Variants in EPHA6 observed in about 807,000 individuals in gnomAD.
EPHA6 encodes ephrin type-A receptor 6.
A neutral mutation model predicts 112.0 loss-of-function variants in EPHA6; 50 were observed. The observed-to-expected ratio is 0.45, with a 90% CI of 0.36 to 0.56. EPHA6 has a LOEUF of 0.56. Ranked by LOEUF, EPHA6 falls within the 20% of genes least tolerant of loss-of-function variation. The pLI, the probability that EPHA6 is intolerant of heterozygous loss-of-function variation, is 0.00. For synonymous variants in EPHA6, 529 were observed against 490.7 expected, an observed-to-expected ratio of 1.08 and a Z score of -1.03; for missense variants, 1,280 against 1,417.4, an observed-to-expected ratio of 0.90 and a Z score of 1.56.
chr3:97,287,304 G>C lies in EPHA6; in HGVS notation c.1606+43017G>C, dbSNP rs138035070. 8.5e-5 allele frequency among the ~76,000 whole-genome samples: 13 copies of C among 152,098 alleles called. No individual in the cohort carries two copies. The East Asian group carries it at 2.5e-3, about 29-fold the overall frequency. On this transcript the variant is annotated intron_variant, in intron 5 of 17. Coordinates refer to ENST00000389672, the MANE Select transcript of EPHA6 (RefSeq NM_001080448.3). Reference sequence around the variant, plus strand: ...TCTTGTTCCAGTTCTTAGAGGAAAGGCTTAGCTTCTCTGAGTTCAGTTAGC... The same window carrying C: ...TCTTGTTCCAGTTCTTAGAGGAAAGCCTTAGCTTCTCTGAGTTCAGTTAGC...
intron 14 of EPHA6, among the ~76,000 whole-genome samples, chr3:97,687,895 G>A (rs1386363571): frequency 2.0e-5 from 3 of 152,164 alleles, no homozygotes; most frequent in East Asian, 3.9e-4. Flanking sequence ...TGCCTGTCTG[G>A]AGGTACAGGG....
chr3:96,814,738 G>A lies in EPHA6; in HGVS notation c.115G>A (p.Gly39Arg). 6.3e-7 allele frequency: 1 copy of A among 1,587,426 alleles called. No individual in the cohort carries two copies. The highest frequency in any genetic ancestry group is 8.6e-7 in the Non-Finnish European group (1 of 1,166,002). ...GCCTGGACCCTCGTGCCCTGTTCCC[G>A]GGACCTCGCGCAGGGGGCGCCCCGG... is the stretch of plus-strand genomic sequence containing the variant. ...GQPGPSCPVP[G>R]TSRRGRPGTP... is the part of the protein sequence containing the mutation. The change falls in exon 1 of 18, where the codon GGG (glycine) becomes AGG (arginine). Residue 39 changes from glycine to arginine, a missense_variant. Physicochemically the swap from Gly to Arg is moderately radical, Grantham distance 125. Around this residue, in one of 4 missense-constraint regions of EPHA6, gnomAD observed 220 missense variants for 171.5 expected, o/e 1.28. Transcript: ENST00000389672.
chr3:97,709,018 G>C (rs1222085444), intron 14 of EPHA6, among the ~76,000 whole-genome samples: 1 of 152,220 alleles, frequency 6.6e-6, no homozygotes, highest in Non-Finnish European at 1.5e-5. Context: ...ACCTCTACTA[G>C]TGCAATGTAG....
At chr3:97,024,205 T>G (rs1208251964) in intron 3 of EPHA6, among the ~76,000 whole-genome samples, 2 of 152,192 alleles carry the variant, frequency 1.3e-5, no homozygotes, top group African/African-American at 4.8e-5. Context: ...CCATATCTTT[T>G]TTTCAAATGG....
At chr3:97,431,718 CT>C (rs2089519883) in intron 6 of EPHA6, among the ~76,000 whole-genome samples, 1 of 152,014 alleles carries the variant, frequency 6.6e-6, no homozygotes. Flanking sequence ...ATTTTTCTTT[CT>C]CATGTTTAAC....
intron 3 of EPHA6, among the ~76,000 whole-genome samples, chr3:97,075,858 A>G: frequency 6.6e-6 from 1 of 152,114 alleles, no homozygotes; most frequent in Admixed American, 6.6e-5. Context: ...ATCTGTGATC[A>G]GTGATCTTTG....
chr3:96,848,066 T>TA (rs1442047086), intron 1 of EPHA6, among the ~76,000 whole-genome samples: 1 of 152,096 alleles, frequency 6.6e-6, no homozygotes, highest in Non-Finnish European at 1.5e-5. Context: ...CAAAATCATT[T>TA]AATGTTTGCA....
intron 3 of EPHA6, among the ~76,000 whole-genome samples, chr3:97,022,068 C>T (rs918937935): frequency 2.6e-5 from 4 of 152,214 alleles, no homozygotes; most frequent in African/African-American, 7.2e-5. Context: ...ATTGAGAAAA[C>T]ATTTGTTGAA....
intron 3 of EPHA6, among the ~76,000 whole-genome samples, chr3:97,086,187 A>C (rs1007173652): frequency 1.4e-4 from 21 of 151,486 alleles, no homozygotes; most frequent in Non-Finnish European, 2.8e-4. Flanking sequence ...AATATAAATT[A>C]ATATTAGTTT....
chr3:97,129,013 A>C (rs1263513917), intron 3 of EPHA6, among the ~76,000 whole-genome samples: 3 of 151,602 alleles, frequency 2.0e-5, no homozygotes, highest in African/African-American at 7.3e-5. Flanking sequence ...AGCTGGGACT[A>C]CAGGTGTGCA....
At chr3:97,603,085 A>G (rs1282546618) in intron 12 of EPHA6, among the ~76,000 whole-genome samples, 1 of 152,052 alleles carries the variant, frequency 6.6e-6, no homozygotes, top group Non-Finnish European at 1.5e-5. Flanking sequence ...CAAGAAAGAC[A>G]TTCTTAAAAA....
At chr3:97,296,591 G>A (rs2080883024) in intron 5 of EPHA6, among the ~76,000 whole-genome samples, 3 of 152,166 alleles carry the variant, frequency 2.0e-5, no homozygotes, top group Admixed American at 2.0e-4. Flanking sequence ...TGGCTCTCAG[G>A]CTCTGGGGAG....
intron 6 of EPHA6, among the ~76,000 whole-genome samples, chr3:97,409,951 A>G (rs940904397): frequency 6.6e-6 from 1 of 152,110 alleles, no homozygotes; most frequent in Non-Finnish European, 1.5e-5. Context: ...GATTATAGAA[A>G]AACTATCTTT....
chr3:97,275,571 A>G lies in EPHA6; in HGVS notation c.1606+31284A>G, dbSNP rs141711031. ...GGCAAAACAATTTGGTTGATAAGGC[A>G]CAGATCCTGAACTAACCTGTAAGGC... On this transcript the variant is annotated intron_variant, in intron 5 of 17. Transcript: ENST00000389672. Among the ~76,000 whole-genome samples the G allele has an allele frequency of 2.5e-3, 376 of 150,702 alleles. 2 individuals are homozygous for G. The highest frequency in any genetic ancestry group is 7.5e-3 in the African/African-American group (309 of 41,136).
At chr3:96,955,300 A>T (rs888514780) in intron 2 of EPHA6, among the ~76,000 whole-genome samples, 3 of 152,134 alleles carry the variant, frequency 2.0e-5, no homozygotes, top group African/African-American at 7.2e-5. Context: ...TTGTCTATGG[A>T]CATATTATAT....
At chr3:97,165,124 G>A (rs1308013594) in intron 3 of EPHA6, among the ~76,000 whole-genome samples, 5 of 152,120 alleles carry the variant, frequency 3.3e-5, no homozygotes, top group Non-Finnish European at 7.4e-5. Flanking sequence ...TTTATTGTGA[G>A]TTAAAATGTG....
At chr3:97,143,673 T>C (rs1228918757) in intron 3 of EPHA6, among the ~76,000 whole-genome samples, 1 of 151,804 alleles carries the variant, frequency 6.6e-6, no homozygotes, top group Admixed American at 6.6e-5. Context: ...AAGCAATATA[T>C]AGTATTATTG....
At chr3:97,172,650 G>T (rs528773317) in intron 3 of EPHA6, among the ~76,000 whole-genome samples, 13 of 151,990 alleles carry the variant, frequency 8.6e-5, no homozygotes, top group African/African-American at 3.1e-4. Context: ...TCTGGCCCAT[G>T]AATATGTATC....
chr3:96,982,169 C>T (rs1285426463), intron 2 of EPHA6, among the ~76,000 whole-genome samples: 1 of 152,128 alleles, frequency 6.6e-6, no homozygotes, highest in African/African-American at 2.4e-5. Flanking sequence ...TTAGATCTTT[C>T]CTGCTTTCTC....
Sources: gnomAD v4.1 joint callset for allele counts (sites outside exome capture counted in the v4.1 genomes callset) on GRCh38, gnomAD v4.1.1 for gene constraint, gnomAD v4.1.1 regional missense constraint, MANE v1.5 for transcripts, NCBI Gene and HGNC (gene_info 2026-07-23, HGNC 2026-07-21) for gene names.